Variants in COL2A1 observed in about 807,000 individuals in gnomAD.
The protein encoded by COL2A1 is collagen alpha-1(II) chain.
Under a neutral mutation model 204.5 loss-of-function variants are expected in COL2A1, and 28 were observed. That is an observed-to-expected ratio of 0.14 (90% CI 0.10 to 0.19). COL2A1 has a LOEUF of 0.19. Ranked by LOEUF, COL2A1 falls within the 10% of genes least tolerant of loss-of-function variation. The pLI is 1.00. For synonymous variants in COL2A1, 708 were observed against 718.7 expected (o/e 0.99, Z 0.24); for missense variants, 1,388 against 2,027.5 (o/e 0.68, Z 6.06).
At chr12:47,989,345 C>T in intron 17 of COL2A1, 64 bp from the exon 18 acceptor site, 1 of 1,297,792 alleles carries the variant, frequency 7.7e-7, no homozygotes, top group South Asian at 1.2e-5. Flanking sequence ...AGCGAGCCAC[C>T]CCGACACCTC....
At position 47,989,365 on chromosome 12, in the gene COL2A1, C is replaced by G. The variant is rs41317911; in HGVS notation, c.1069-84G>C. On this transcript the variant is annotated intron_variant, in intron 17 of 53. Transcript: ENST00000380518. ...GCCACCCCGACACCTCACACTCCTT[C>G]CCTCCTCTGTACTGATTTCACTCCA... 3.2e-4 allele frequency: 359 copies of G among 1,107,874 alleles called. No homozygotes were observed. In the African/African-American group the frequency reaches 3.4e-3, roughly 10 times the overall value. 68.6% of individuals were successfully genotyped at this position (1,107,874 alleles called of 1,614,324 possible).
chr12:47,993,783 T>A (rs770069254), intron 14 of COL2A1, 26 bp downstream of exon 14: 32 of 1,612,760 alleles, frequency 2.0e-5, no homozygotes, highest in Non-Finnish European at 2.7e-5. Flanking sequence ...CTCCTCCCCA[T>A]CCCATTGTAC....
intron 16 of COL2A1, among the ~76,000 whole-genome samples, chr12:47,990,481 G>C (rs1425930507): frequency 6.6e-6 from 1 of 152,194 alleles, no homozygotes; most frequent in East Asian, 1.9e-4. Context: ...CCTGCTCAGG[G>C]GGAAGCGCTT....
chr12:47,986,085 G>T, intron 23 of COL2A1, 120 bp from the exon 24 acceptor site: 2 of 988,448 alleles, frequency 2.0e-6, no homozygotes, highest in Non-Finnish European at 3.1e-6. Context: ...GCTGTGGCCT[G>T]CAGGATTCTC....
chr12:47,983,500 G>T, intron 30 of COL2A1, 62 bp from the exon 31 acceptor site: 1 of 1,555,094 alleles, frequency 6.4e-7, no homozygotes, highest in South Asian at 1.1e-5. Flanking sequence ...CCCCCAGGGA[G>T]GCACAGTATA....
At chr12:47,981,504 T>G (rs979196854) in intron 36 of COL2A1, 108 bp from the exon 37 acceptor site, 2 of 1,032,120 alleles carry the variant, frequency 1.9e-6, no homozygotes, top group African/African-American at 3.2e-5. Flanking sequence ...GGGCTCCAGG[T>G]CCCCCTGGCA....
chr12:47,993,249 G>A (rs1282452486), intron 15 of COL2A1, among the ~76,000 whole-genome samples: 1 of 152,204 alleles, frequency 6.6e-6, no homozygotes, highest in African/African-American at 2.4e-5. Flanking sequence ...TTTTAAATGG[G>A]AGCATCTTTA....
chr12:47,984,593 G>A lies in COL2A1; in HGVS notation c.1840C>T (p.Pro614Ser). 6.2e-7 allele frequency: 1 copy of A among 1,614,156 alleles called. No individual in the cohort carries two copies. The highest frequency in any genetic ancestry group is 2.2e-5 in the East Asian group (1 of 44,890). The change falls in exon 28 of 54, where the codon CCT (proline) becomes TCT (serine). Residue 614 changes from proline (P) to serine (S), a missense_variant. Coordinates refer to ENST00000380518, the MANE Select transcript of COL2A1 (RefSeq NM_001844.5). ...AGTCCCTTCTCACCAGCTTTGCCAG[G>A]CTCACCCTGAAGGAAAGAGAGGGCA... ...FPGPKGANGE[P>S]GKAGEKGLPG...
chr12:47,976,538 A>G lies in COL2A1; in HGVS notation c.3465T>C (p.Gly1155=). ...PGPSGDQGAS[G]PAGPSGPRGP... ...CTCTAGGGCCAGAAGGACCAGCAGG[A>G]CCAGAAGCACCTTGGTCTCCAGAAG... Residue 1155 remains glycine (G), a synonymous_variant, in exon 49 of 54, where the codon GGT becomes GGC. Transcript: ENST00000380518. The surrounding 1 kb of genome is among the most constrained non-coding windows in gnomAD (Gnocchi z 4.3). The G allele has an allele frequency of 6.2e-7, 1 of 1,614,188 alleles. No individual in the cohort carries two copies. The highest frequency in any genetic ancestry group is 8.5e-7 in the Non-Finnish European group (1 of 1,180,030).
chr12:48,004,857 G>A (rs546993248), upstream of COL2A1, among the ~76,000 whole-genome samples: 1 of 152,220 alleles, frequency 6.6e-6, no homozygotes, highest in Non-Finnish European at 1.5e-5. Context: ...CGCAGGCCGA[G>A]AGCCCTAGAC....
intron 35 of COL2A1, 22 bp downstream of exon 35, chr12:47,982,085 C>A (rs747942137): frequency 3.1e-6 from 5 of 1,612,644 alleles, no homozygotes; most frequent in Admixed American, 3.3e-5. Flanking sequence ...GCCCAGCAGT[C>A]CAGCAGCCCG....
At chr12:47,984,252 C>A in intron 28 of COL2A1, 112 bp from the exon 29 acceptor site, 1 of 980,290 alleles carries the variant, frequency 1.0e-6, no homozygotes, top group Non-Finnish European at 1.6e-6. Flanking sequence ...CTCCACGGTA[C>A]CCCAGCTGAG....
Position 47,987,789 on chromosome 12 carries a change from C to A in COL2A1, c.1123-80G>T. ...TAGTGGGTGGGCAATAGCTCAGGGCCAGCTGCAAGCACAGCACTAAATTAT... is the reference window on the plus strand; with the variant it reads ...TAGTGGGTGGGCAATAGCTCAGGGCAAGCTGCAAGCACAGCACTAAATTAT... On this transcript the variant is annotated intron_variant, in intron 18 of 53. Transcript: ENST00000380518. The surrounding 1 kb of genome is among the most constrained non-coding windows in gnomAD (Gnocchi z 4.1). 6.6e-6 allele frequency: 7 copies of A among 1,060,854 alleles called. No homozygotes were observed. The highest frequency in any genetic ancestry group is 1.9e-5 in the Admixed American group (1 of 51,392). The allele number at this position is 1,060,854 out of a possible 1,614,324, so 65.7% of individuals were successfully genotyped here.
chr12:47,974,702 A>C lies in COL2A1; in HGVS notation c.4047T>G (p.Phe1349Leu). The C allele has an allele frequency of 6.2e-7, 1 of 1,614,204 alleles. No homozygotes were observed. The highest frequency in any genetic ancestry group is 1.1e-5 in the South Asian group (1 of 91,082). ...GGAAGCCACCATTGATGGTTTCTCC[A>C]AACCAGATGTGTTTCTTCTCCTTGC... is the stretch of plus-strand genomic sequence containing the variant. ...SKSKEKKHIW[F>L]GETINGGFHF... Residue 1349 changes from phenylalanine to leucine, a missense_variant, in exon 52 of 54, where the codon TTT becomes TTG. By Grantham distance (22) the Phe-to-Leu change is conservative. Around this residue, in one of 3 missense-constraint regions of COL2A1, gnomAD observed 303 missense variants for 369.2 expected, o/e 0.82. Coordinates refer to ENST00000380518, the MANE Select transcript of COL2A1 (RefSeq NM_001844.5).
intron 34 of COL2A1, 135 bp from the exon 35 acceptor site, chr12:47,982,295 G>T (rs978416468): frequency 3.5e-6 from 3 of 862,342 alleles, no homozygotes; most frequent in Admixed American, 3.7e-5. Context: ...CTCAGGGTGG[G>T]TGAGGAGCAG....
chr12:47,981,833 C>A lies in COL2A1; in HGVS notation c.2356-4G>T, dbSNP rs767986491. On this transcript the variant is annotated splice_region_variant and splice_polypyrimidine_tract_variant and intron_variant, in intron 35 of 53. Coordinates refer to ENST00000380518, the MANE Select transcript of COL2A1 (RefSeq NM_001844.5). Reference sequence around the variant, plus strand: ...GGCCAATGGGACCTGTCAGGCCCTGCGGGGAGAGCAGGTAGAGGTGAGGGA... The same window carrying A: ...GGCCAATGGGACCTGTCAGGCCCTGAGGGGAGAGCAGGTAGAGGTGAGGGA... 6.4e-7 allele frequency: 1 copy of A among 1,553,796 alleles called. No homozygotes were observed. Among genetic ancestry groups the A allele is most frequent in the Non-Finnish European group, 8.7e-7 (1 of 1,148,468 alleles).
intron 8 of COL2A1, 138 bp from the exon 9 acceptor site, chr12:47,996,057 C>T: frequency 1.4e-6 from 1 of 698,316 alleles, no homozygotes; most frequent in Non-Finnish European, 2.6e-6. Context: ...GTGGCTGCTC[C>T]CTCTCATTTC....
Position 47,987,216 on chromosome 12 carries a change from G to T in COL2A1, c.1267-40C>A. The T allele has an allele frequency of 6.2e-7, 1 of 1,612,956 alleles. No homozygotes were observed. The highest frequency in any genetic ancestry group is 1.1e-5 in the South Asian group (1 of 91,060). The stretch of plus-strand genomic sequence containing the variant: ...AGAAGGGAGGGGTGTCAGGAGAGGG[G>T]AGAGGCAGGACTGGGCTCTCCTGGG... On this transcript the variant is annotated intron_variant, in intron 20 of 53. Transcript: ENST00000380518. The surrounding 1 kb of genome is among the most constrained non-coding windows in gnomAD (Gnocchi z 4.1).
At chr12:47,996,483 T>A in intron 8 of COL2A1, 65 bp downstream of exon 8, 2 of 1,308,412 alleles carry the variant, frequency 1.5e-6, no homozygotes, top group Non-Finnish European at 2.2e-6. Context: ...GTTGTCAGAC[T>A]CTCTGGCTCT....
Sources: allele counts gnomAD v4.1 joint callset (sites outside exome capture counted in the v4.1 genomes callset), GRCh38; gene constraint gnomAD v4.1.1; regional missense constraint gnomAD v4.1.1; non-coding constraint Gnocchi (gnomAD v3.1); transcripts MANE v1.5; gene names NCBI Gene and HGNC (gene_info 2026-07-23, HGNC 2026-07-21).